The following DIAPH3 variants were observed in gnomAD, a reference collection of about 807,000 sequenced individuals.
DIAPH3 encodes the protein diaphanous related formin 3, also known as protein diaphanous homolog 3.
In DIAPH3, 117 loss-of-function variants were observed where a neutral mutation model predicts 144.3. The observed-to-expected ratio is 0.81, with a 90% CI of 0.70 to 0.95. The LOEUF (loss-of-function observed/expected upper bound fraction) is 0.95. Among genes scored for constraint, DIAPH3 ranks in the 40% least tolerant of loss-of-function variants. The pLI is 0.00. For synonymous variants in DIAPH3, 519 were observed against 488.9 expected, an observed-to-expected ratio of 1.06 and a Z score of -0.81; for missense variants, 1,421 against 1,412.7, an observed-to-expected ratio of 1.01 and a Z score of -0.09.
intron 17 of DIAPH3, among the ~76,000 whole-genome samples, chr13:59,957,786 A>G (rs1163336657): frequency 6.6e-6 from 1 of 152,216 alleles, no homozygotes; most frequent in Non-Finnish European, 1.5e-5. Flanking sequence ...TAAAATAGAA[A>G]AACATAAAAT....
chr13:60,139,811 T>C (rs1453577998), intron 1 of DIAPH3, among the ~76,000 whole-genome samples: 1 of 152,214 alleles, frequency 6.6e-6, no homozygotes, highest in East Asian at 1.9e-4. Flanking sequence ...AAAAATATAA[T>C]GGCTAATTTA....
rs537810654 is a variant in DIAPH3 at position 59,916,605 on chromosome 13, G to T, written c.2171-356C>A. Among the ~76,000 whole-genome samples, 207 of 152,130 alleles carry T rather than the reference G, an allele frequency of 1.4e-3. 1 individual carries two copies. The highest frequency in any genetic ancestry group is 4.3e-3 in the African/African-American group (179 of 41,534). On this transcript the variant is annotated intron_variant, in intron 18 of 27. Transcript: ENST00000400324. ...CATCACATTGTAATGAAAATAATAAGAAAACCACAGTATGTGCATGTAATA... is the reference window on the plus strand; with the variant it reads ...CATCACATTGTAATGAAAATAATAATAAAACCACAGTATGTGCATGTAATA...
chr13:60,079,016 C>T (rs1181500071), intron 4 of DIAPH3, among the ~76,000 whole-genome samples: 1 of 151,990 alleles, frequency 6.6e-6, no homozygotes, highest in Admixed American at 6.6e-5. Context: ...TCTATGCGTG[C>T]TGGAAGCCAA....
chr13:59,697,411 G>T (rs1302160689), intron 27 of DIAPH3, among the ~76,000 whole-genome samples: 1 of 129,566 alleles, frequency 7.7e-6, no homozygotes, highest in African/African-American at 3.0e-5. Flanking sequence ...AGTGAGCCGA[G>T]ATTGCGCCAC....
chr13:60,043,683 C>A (rs1384859477), intron 4 of DIAPH3, among the ~76,000 whole-genome samples: 1 of 152,052 alleles, frequency 6.6e-6, no homozygotes, highest in Non-Finnish European at 1.5e-5. Context: ...ACATTAAGTA[C>A]CTACTAAATA....
rs144643410 is a variant in DIAPH3 at position 59,723,959 on chromosome 13, T to TAA, written c.3319+50228_3319+50229dup. ...CTGTTCACCTCAATGTGTTAAAAGT[T>TAA]AAAAAAAAAAAAAAAAAAAAAGAAT... On this transcript the variant is annotated intron_variant, in intron 27 of 27. Transcript: ENST00000400324. Among the ~76,000 whole-genome samples, 17 of 133,754 alleles carry TAA rather than the reference T, an allele frequency of 1.3e-4. No individual in the cohort carries two copies. The East Asian group carries it at 2.0e-3, about 15-fold the overall frequency. 87.7% of individuals were successfully genotyped at this position (133,754 alleles called of 152,430 possible). A position where few individuals can be genotyped will look rare whatever the true frequency, so the allele number is the denominator to read the frequency against.
intron 9 of DIAPH3, among the ~76,000 whole-genome samples, chr13:60,002,384 G>C (rs2052576050): frequency 6.6e-6 from 1 of 152,144 alleles, no homozygotes; most frequent in Admixed American, 6.5e-5. Context: ...TATTCCCTAT[G>C]CTCAAGGTTT....
chr13:59,862,500 C>T (rs2139938399), intron 21 of DIAPH3, among the ~76,000 whole-genome samples: 1 of 152,028 alleles, frequency 6.6e-6, no homozygotes, highest in South Asian at 2.1e-4. Context: ...GGAGGTTGTG[C>T]CTGGGAAATG....
intron 22 of DIAPH3, among the ~76,000 whole-genome samples, chr13:59,842,549 C>T (rs921713534): frequency 3.9e-5 from 6 of 151,952 alleles, no homozygotes; most frequent in South Asian, 2.1e-4. Context: ...CCTTCAATTC[C>T]GATACTAACT....
At chr13:59,913,334 G>A (rs913698155) in intron 19 of DIAPH3, among the ~76,000 whole-genome samples, 5 of 151,944 alleles carry the variant, frequency 3.3e-5, no homozygotes, top group African/African-American at 1.2e-4. Flanking sequence ...CACACCCTTC[G>A]CAAATCTTAA....
At chr13:59,668,284 A>G (rs2032138970) in intron 27 of DIAPH3, among the ~76,000 whole-genome samples, 1 of 152,188 alleles carries the variant, frequency 6.6e-6, no homozygotes, top group African/African-American at 2.4e-5. Context: ...CCTCTGTCCC[A>G]AAGAATGCTT....
chr13:59,816,242 C>A (rs1250415417), intron 24 of DIAPH3, among the ~76,000 whole-genome samples: 1 of 151,970 alleles, frequency 6.6e-6, no homozygotes, highest in East Asian at 1.9e-4. Flanking sequence ...ATAATCATTT[C>A]ATTAAAATTT....
intron 24 of DIAPH3, among the ~76,000 whole-genome samples, chr13:59,825,611 A>G (rs1469302670): frequency 2.0e-5 from 3 of 152,198 alleles, no homozygotes; most frequent in African/African-American, 7.2e-5. Flanking sequence ...GAATCGCCAC[A>G]CTGACTTCCA....
intron 27 of DIAPH3, among the ~76,000 whole-genome samples, chr13:59,716,245 G>A (rs898486147): frequency 1.3e-5 from 2 of 151,906 alleles, no homozygotes; most frequent in African/African-American, 2.4e-5. Context: ...GGGCAATCTC[G>A]GCTCACTGCA....
At chr13:60,086,077 T>A (rs1445101119) in intron 4 of DIAPH3, among the ~76,000 whole-genome samples, 4 of 152,090 alleles carry the variant, frequency 2.6e-5, no homozygotes, top group Non-Finnish European at 4.4e-5. Flanking sequence ...AAAAACGCTA[T>A]AATAAAAGAA....
intron 26 of DIAPH3, 72 bp from the exon 27 acceptor site, chr13:59,774,320 C>T (rs1660333730): frequency 1.6e-6 from 2 of 1,286,620 alleles, no homozygotes; most frequent in Non-Finnish European, 2.2e-6. Flanking sequence ...CAGTATTAGA[C>T]ATACTTTTTT....
intron 25 of DIAPH3, among the ~76,000 whole-genome samples, chr13:59,796,840 A>G (rs934100254): frequency 1.3e-5 from 2 of 152,234 alleles, no homozygotes; most frequent in African/African-American, 4.8e-5. Flanking sequence ...AGTGTCATAG[A>G]ACAAGTGAGT....
At chr13:60,072,405 C>T (rs959353729) in intron 4 of DIAPH3, among the ~76,000 whole-genome samples, 18 of 152,154 alleles carry the variant, frequency 1.2e-4, no homozygotes, top group African/African-American at 4.3e-4. Flanking sequence ...CATTGATAAG[C>T]TTTCATACAT....
intron 24 of DIAPH3, among the ~76,000 whole-genome samples, chr13:59,815,825 T>C (rs892049414): frequency 3.3e-5 from 5 of 152,122 alleles, no homozygotes; most frequent in Non-Finnish European, 5.9e-5. Flanking sequence ...TCCTATAGGA[T>C]TTGTTTTTGC....
Sources: allele counts gnomAD v4.1 joint callset (sites outside exome capture counted in the v4.1 genomes callset), GRCh38; gene constraint gnomAD v4.1.1; transcripts MANE v1.5; gene names NCBI Gene and HGNC (gene_info 2026-07-23, HGNC 2026-07-21).